The following CRHR2 variants were observed in gnomAD, a reference collection of about 807,000 sequenced individuals.
CRHR2 encodes the protein corticotropin-releasing hormone receptor 2.
In CRHR2, 53 loss-of-function variants were observed where a neutral mutation model predicts 57.9. That is an observed-to-expected ratio of 0.92 (90% CI 0.73 to 1.15). The LOEUF (loss-of-function observed/expected upper bound fraction) is 1.15. Ranked by LOEUF, CRHR2 falls within the 50% of genes most tolerant of loss-of-function variation. The pLI is 0.00. For missense variants in CRHR2, 532 were observed against 542.6 expected (o/e 0.98, Z 0.19); for synonymous variants, 213 against 220.9 (o/e 0.96, Z 0.32).
At chr7:30,686,311 G>T, upstream of CRHR2, 5 of 1,417,710 alleles carry the variant, frequency 3.5e-6, no homozygotes, top group Non-Finnish European at 4.6e-6. Context: ...GGCTGGTCCT[G>T]GTTCACTAAC....
intron 1 of CRHR2, among the ~76,000 whole-genome samples, chr7:30,698,653 A>T (rs1396396529): frequency 6.6e-6 from 1 of 152,126 alleles, no homozygotes; most frequent in East Asian, 1.9e-4. Flanking sequence ...AGCTCAGCAT[A>T]CTACCTGCCT....
At chr7:30,694,083 C>G (rs1785010939) in intron 1 of CRHR2, among the ~76,000 whole-genome samples, 1 of 152,200 alleles carries the variant, frequency 6.6e-6, no homozygotes, top group African/African-American at 2.4e-5. Flanking sequence ...TGGCACACAG[C>G]AGGTGCTCAA....
intron 2 of CRHR2, among the ~76,000 whole-genome samples, chr7:30,675,741 C>G (rs1784496960): frequency 6.6e-6 from 1 of 152,230 alleles, no homozygotes; most frequent in African/African-American, 2.4e-5. Flanking sequence ...TGTGCTCTGA[C>G]TGTCTTCACT....
In CRHR2 at chr7:30,660,465, T is replaced by A; in HGVS notation, c.831+108A>T. 3 of 1,124,764 alleles carry A rather than the reference T, an allele frequency of 2.7e-6. No homozygotes were observed. In the East Asian group the frequency reaches 7.8e-5, roughly 29 times the overall value. 69.7% of individuals were successfully genotyped at this position (1,124,764 alleles called of 1,614,324 possible). Reference sequence around the variant, plus strand: ...GGGTACGGGGGTGGCATATAGAGTGTGTGCGCAGGGCTGCCCATGCCACAT... The same window carrying A: ...GGGTACGGGGGTGGCATATAGAGTGAGTGCGCAGGGCTGCCCATGCCACAT... On this transcript the variant is annotated intron_variant, in intron 8 of 11. Transcript: ENST00000471646.
chr7:30,667,198 C>G (rs1448759691), intron 3 of CRHR2, 30 bp downstream of exon 3: 1 of 1,603,718 alleles, frequency 6.2e-7, no homozygotes, highest in Admixed American at 1.7e-5. Context: ...TGTGTGAGGC[C>G]TGGGGTCACA....
chr7:30,677,799 G>A (rs1404573051), intron 2 of CRHR2, among the ~76,000 whole-genome samples: 1 of 152,252 alleles, frequency 6.6e-6, no homozygotes, highest in Non-Finnish European at 1.5e-5. Flanking sequence ...GCCAGGTGCA[G>A]TGGCTCACGC....
At position 30,656,257 on chromosome 7, in the gene CRHR2, A is replaced by C. The variant is rs1783785425; in HGVS notation, c.832-245T>G. On this transcript the variant is annotated intron_variant, in intron 8 of 11. Transcript: ENST00000471646. The surrounding 1 kb of genome is among the most constrained non-coding windows in gnomAD (Gnocchi z 4.4). ...CCCAGGACTGAGGAGGAAAGGTGGC[A>C]GCCTCTGTGGGTCGTGACCGAGAGC... Among the ~76,000 whole-genome samples, 1 of 152,142 alleles carries C rather than the reference A, an allele frequency of 6.6e-6. No individual in the cohort carries two copies. The highest frequency in any genetic ancestry group is 2.1e-4 in the South Asian group (1 of 4,828).
chr7:30,691,405 T>G (rs1419092804), intron 1 of CRHR2, among the ~76,000 whole-genome samples: 1 of 152,192 alleles, frequency 6.6e-6, no homozygotes, highest in Non-Finnish European at 1.5e-5. Context: ...GCTGTGACAT[T>G]TGTAGCCCCA....
chr7:30,654,221 T>G (rs541888607), intron 11 of CRHR2, among the ~76,000 whole-genome samples: 1 of 152,340 alleles, frequency 6.6e-6, no homozygotes, highest in East Asian at 1.9e-4. Flanking sequence ...ATGGTGTCTC[T>G]CACATCCTAG....
chr7:30,692,473 G>A (rs1022404636), intron 1 of CRHR2, among the ~76,000 whole-genome samples: 11 of 152,214 alleles, frequency 7.2e-5, no homozygotes, highest in Non-Finnish European at 8.8e-5. Flanking sequence ...ACCGAAGGCC[G>A]TTCGGCGAAC....
At position 30,653,695 on chromosome 7, in the gene CRHR2, T is replaced by G; in HGVS notation, c.1096-95A>C. ...CTGCTTTCTGCTCTCATGGGTCGAC[T>G]GCCACCCTCATGACAAGGAACTGTC... On this transcript the variant is annotated intron_variant, in intron 11 of 11. Transcript: ENST00000471646. The surrounding 1 kb of genome is among the most constrained non-coding windows in gnomAD (Gnocchi z 5.0). 2 of 1,413,610 alleles carry G rather than the reference T, an allele frequency of 1.4e-6. No homozygotes were observed. The highest frequency in any genetic ancestry group is 1.9e-6 in the Non-Finnish European group (2 of 1,066,644). 87.6% of individuals were successfully genotyped at this position (1,413,610 alleles called of 1,614,324 possible).
rs1390183055 is a variant in CRHR2 at position 30,682,288 on chromosome 7, C to T, written c.-8G>A. The T allele has an allele frequency of 2.6e-6, 4 of 1,558,244 alleles. No homozygotes were observed. Among genetic ancestry groups the T allele is most frequent in the Admixed American group, 3.6e-5 (2 of 55,496 alleles). Reference sequence around the variant, plus strand: ...GAGCAGTGCCGCGTCCATCGCGTCCCGCAGCCGCGTGCGGAGAGGGAGTGG... The same window carrying T: ...GAGCAGTGCCGCGTCCATCGCGTCCTGCAGCCGCGTGCGGAGAGGGAGTGG... On this transcript the variant is annotated 5_prime_UTR_variant, in exon 1 of 12. Coordinates refer to ENST00000471646, the MANE Select transcript of CRHR2 (RefSeq NM_001883.5).
intron 2 of CRHR2, among the ~76,000 whole-genome samples, chr7:30,687,553 G>A (rs539010282): frequency 6.6e-6 from 1 of 152,338 alleles, no homozygotes; most frequent in African/African-American, 2.4e-5. Flanking sequence ...GTGGGAGAAT[G>A]AGTACTTATC....
In CRHR2 at chr7:30,665,151, G is replaced by A; in HGVS notation, c.462C>T (p.Asn154=). The A allele has an allele frequency of 1.2e-6, 2 of 1,614,122 alleles. No individual in the cohort carries two copies. The highest frequency in any genetic ancestry group is 8.5e-7 in the Non-Finnish European group (1 of 1,180,018). Residue 154 remains asparagine, a synonymous_variant, in exon 5 of 12, where the codon AAC becomes AAT. Transcript: ENST00000471646. This position sits in a 1 kb window ranked among gnomAD's most constrained non-coding sequence, Gnocchi z 4.5. ...IRCLRNVIHW[N]LITTFILRNV... ...TTCGCAGGATAAAGGTGGTGATGAG[G>A]TTCCAGTGAATCACATTCCGCAGAC...
Position 30,660,650 on chromosome 7 carries a change from GA to G in CRHR2, c.759-6del, listed in dbSNP as rs943123139. ...GGCTCCTTGCCAAACCAGCACCTGT[GA>G]AGATGGGGTGGCTGTAGGGGGCCTC... On this transcript the variant is annotated splice_polypyrimidine_tract_variant and splice_region_variant and intron_variant, in intron 7 of 11. Transcript: ENST00000471646. 2 of 1,563,326 alleles carry G rather than the reference GA, an allele frequency of 1.3e-6. No homozygotes were observed. The highest frequency in any genetic ancestry group is 1.4e-5 in the African/African-American group (1 of 73,850).
At chr7:30,655,905 G>T (rs373144374) in intron 9 of CRHR2, 22 bp downstream of exon 9, 6 of 1,612,720 alleles carry the variant, frequency 3.7e-6, no homozygotes, top group South Asian at 1.1e-5. Flanking sequence ...CCATTGTGGG[G>T]TCAAGGGACC....
At chr7:30,689,425 G>A in intron 1 of CRHR2, 1 of 721,468 alleles carries the variant, frequency 1.4e-6, no homozygotes, top group South Asian at 1.7e-5. Flanking sequence ...GATGCCCATG[G>A]CCACATGGAG....
At position 30,669,304 on chromosome 7, in the gene CRHR2, G is replaced by A. The variant is rs148559868; in HGVS notation, c.230-1991C>T. ...CTCCTGAGCACCTCCAGTCCTGACC[G>A]CCTGAGCCCCACACTCCAGCCCTTG... On this transcript the variant is annotated intron_variant, in intron 2 of 11. Transcript: ENST00000471646. 5.3e-5 allele frequency among the ~76,000 whole-genome samples: 8 copies of A among 152,182 alleles called. No individual in the cohort carries two copies. In the East Asian group the frequency reaches 1.2e-3, roughly 22 times the overall value.
upstream of CRHR2, chr7:30,682,490 C>A (rs41387545): frequency 1.5e-4 from 200 of 1,306,366 alleles, no homozygotes; most frequent in African/African-American, 2.6e-3. Flanking sequence ...GCCGAGTGCA[C>A]GGAGCTGCGG....
Sources: allele counts gnomAD v4.1 joint callset (sites outside exome capture counted in the v4.1 genomes callset), GRCh38; gene constraint gnomAD v4.1.1; non-coding constraint Gnocchi (gnomAD v3.1); transcripts MANE v1.5; gene names NCBI Gene and HGNC (gene_info 2026-07-23, HGNC 2026-07-21).